ROBO2: variants seen among roughly 807,000 people sequenced by gnomAD.
ROBO2 encodes roundabout guidance receptor 2.
ROBO2 carries 53 observed loss-of-function variants against 160.8 expected under a neutral mutation model. The observed-to-expected ratio is 0.33, with a 90% CI of 0.26 to 0.41. ROBO2 has a LOEUF of 0.41. Ranked by LOEUF, ROBO2 falls within the 10% of genes least tolerant of loss-of-function variation. ROBO2 has a pLI of 1.00. For synonymous variants in ROBO2, 664 were observed against 611.7 expected (o/e 1.09, Z -1.26); for missense variants, 1,577 against 1,722.4 (o/e 0.92, Z 1.49).
At chr3:76,252,880 A>G (rs1576110416) in intron 2 of ROBO2, among the ~76,000 whole-genome samples, 1 of 151,992 alleles carries the variant, frequency 6.6e-6, no homozygotes, top group Non-Finnish European at 1.5e-5. Context: ...GGGGAGGCCT[A>G]CAGGCTGGAA....
intron 2 of ROBO2, among the ~76,000 whole-genome samples, chr3:76,573,433 G>A (rs1239859249): frequency 3.3e-5 from 5 of 151,774 alleles, no homozygotes; most frequent in South Asian, 2.1e-4. Context: ...ATTTACTATC[G>A]ATTAGAACCA....
chr3:77,634,635 T>C, intron 23 of ROBO2: 4 of 515,474 alleles, frequency 7.8e-6, no homozygotes, highest in South Asian at 6.4e-5. Context: ...TATGTTCATT[T>C]GTTTGATTTT....
chr3:76,241,985 A>C (rs1705315725), intron 2 of ROBO2, among the ~76,000 whole-genome samples: 1 of 152,184 alleles, frequency 6.6e-6, no homozygotes. Flanking sequence ...CTATAAATAA[A>C]GTATGTTGAG....
intron 2 of ROBO2, among the ~76,000 whole-genome samples, chr3:76,465,852 C>T (rs750805921): frequency 1.3e-5 from 2 of 151,926 alleles, no homozygotes; most frequent in Admixed American, 1.3e-4. Flanking sequence ...ATTTTAATTA[C>T]TCTTACTTGG....
chr3:77,433,486 G>GTACATATA lies in ROBO2; in HGVS notation c.389-43926_389-43925insCATATATA, dbSNP rs1325507347. On this transcript the variant is annotated intron_variant, in intron 2 of 25. Transcript: ENST00000461745. ...GATTTTCCTTCTTCTCTGGCAACTT[G>GTACATATA]TATATATATATATATATATATATAT... Among the ~76,000 whole-genome samples, 48 of 99,406 alleles carry GTACATATA rather than the reference G, an allele frequency of 4.8e-4. 1 individual carries two copies. Among genetic ancestry groups the GTACATATA allele is most frequent in the East Asian group, 2.3e-3 (7 of 3,024 alleles). 65.2% of individuals were successfully genotyped at this position (99,406 alleles called of 152,430 possible). A position where few individuals can be genotyped will look rare whatever the true frequency, so the allele number is the denominator to read the frequency against.
chr3:76,145,695 T>G (rs1484934318), intron 2 of ROBO2, among the ~76,000 whole-genome samples: 2 of 152,028 alleles, frequency 1.3e-5, no homozygotes, highest in Non-Finnish European at 2.9e-5. Context: ...CTCGATTTTT[T>G]ATTTCTATAT....
chr3:76,738,609 A>C (rs2093752551), intron 2 of ROBO2, among the ~76,000 whole-genome samples: 1 of 152,210 alleles, frequency 6.6e-6, no homozygotes, highest in African/African-American at 2.4e-5. Context: ...CTACATGAAT[A>C]GAGAAAATTG....
intron 2 of ROBO2, among the ~76,000 whole-genome samples, chr3:77,176,361 TCGGTG>T (rs1053148960): frequency 1.3e-5 from 2 of 152,044 alleles, no homozygotes; most frequent in Non-Finnish European, 2.9e-5. Context: ...TTTTTCCCTT[TCGGTG>T]CATTCAGGGT....
chr3:76,642,170 A>G (rs1382789041), intron 2 of ROBO2, among the ~76,000 whole-genome samples: 1 of 151,948 alleles, frequency 6.6e-6, no homozygotes, highest in African/African-American at 2.4e-5. Context: ...ACATAGCATC[A>G]CTCTCTTTTA....
chr3:76,462,987 ACAGTGTGTAGGTC>A (rs1253536752), intron 2 of ROBO2, among the ~76,000 whole-genome samples: 1 of 151,906 alleles, frequency 6.6e-6, no homozygotes, highest in African/African-American at 2.4e-5. Flanking sequence ...CCCAGTCTGA[ACAGTGTGTAGGTC>A]CACTCACTTT....
At chr3:77,239,197 G>A (rs1017383746) in intron 2 of ROBO2, among the ~76,000 whole-genome samples, 3 of 152,082 alleles carry the variant, frequency 2.0e-5, no homozygotes, top group African/African-American at 7.2e-5. Context: ...TCCTTCTGAT[G>A]GTAGGACGTG....
chr3:76,175,944 A>G (rs923576200), intron 2 of ROBO2, among the ~76,000 whole-genome samples: 5 of 152,108 alleles, frequency 3.3e-5, no homozygotes, highest in Admixed American at 6.6e-5. Context: ...ACATATGCTC[A>G]AATGTGGCAA....
At chr3:77,158,015 T>C (rs994033480) in intron 2 of ROBO2, among the ~76,000 whole-genome samples, 5 of 152,102 alleles carry the variant, frequency 3.3e-5, no homozygotes, top group Non-Finnish European at 7.4e-5. Context: ...AACTCAAAAT[T>C]CTCATATGAA....
At chr3:77,602,184 G>T in intron 19 of ROBO2, 26 bp from the exon 21 acceptor site, 1 of 1,613,850 alleles carries the variant, frequency 6.2e-7, no homozygotes, top group Non-Finnish European at 8.5e-7. Context: ...TCATTAAATT[G>T]TTTCATTTCC....
chr3:76,009,805 GA>G (rs1406443149), intron 2 of ROBO2, among the ~76,000 whole-genome samples: 3 of 152,178 alleles, frequency 2.0e-5, no homozygotes, highest in African/African-American at 7.2e-5. Flanking sequence ...TGGCATGTAA[GA>G]AGAAAATTTA....
chr3:77,124,700 G>C (rs2075147463), intron 2 of ROBO2, among the ~76,000 whole-genome samples: 2 of 152,238 alleles, frequency 1.3e-5, no homozygotes, highest in Admixed American at 6.5e-5. Context: ...TAGTAGTGCA[G>C]TTACCTTAAT....
chr3:76,237,856 G>A (rs1705040221), intron 2 of ROBO2, among the ~76,000 whole-genome samples: 1 of 152,206 alleles, frequency 6.6e-6, no homozygotes, highest in South Asian at 2.1e-4. Context: ...TGATTACAAT[G>A]AACTCGTGTT....
intron 2 of ROBO2, among the ~76,000 whole-genome samples, chr3:75,952,161 A>T (rs1183997416): frequency 6.6e-6 from 1 of 151,976 alleles, no homozygotes; most frequent in Non-Finnish European, 1.5e-5. Flanking sequence ...TGCTGTCATG[A>T]CATTGAGTTT....
chr3:76,282,073 T>C (rs1708261681), intron 2 of ROBO2, among the ~76,000 whole-genome samples: 1 of 152,050 alleles, frequency 6.6e-6, no homozygotes, highest in African/African-American at 2.4e-5. Context: ...TTTGGTGGTA[T>C]TGAATTTATA....
Sources: allele counts gnomAD v4.1 joint callset (sites outside exome capture counted in the v4.1 genomes callset), GRCh38; gene constraint gnomAD v4.1.1; transcripts MANE v1.5; gene names NCBI Gene and HGNC (gene_info 2026-07-23, HGNC 2026-07-21).